The following KAZN variants were observed in gnomAD, a reference collection of about 807,000 sequenced individuals.
KAZN encodes the protein kazrin.
KAZN carries 40 observed loss-of-function variants against 87.4 expected under a neutral mutation model. The observed-to-expected ratio is 0.46, with a 90% CI of 0.36 to 0.60. KAZN has a LOEUF of 0.60. Among genes scored for constraint, KAZN ranks in the 20% least tolerant of loss-of-function variants. The pLI, the probability that KAZN is intolerant of heterozygous loss-of-function variation, is 0.00. For synonymous variants in KAZN, 466 were observed against 458.3 expected, an observed-to-expected ratio of 1.02 and a Z score of -0.22; for missense variants, 898 against 1,073.9, an observed-to-expected ratio of 0.84 and a Z score of 2.29.
intron 1 of KAZN, among the ~76,000 whole-genome samples, chr1:14,863,890 C>G (rs968137085): frequency 2.6e-5 from 4 of 152,112 alleles, no homozygotes; most frequent in African/African-American, 7.2e-5. Flanking sequence ...GCAGTGTGTT[C>G]GGGAGGAGTC....
At chr1:14,459,089 C>T (rs934301937) in intron 2 of KAZN, among the ~76,000 whole-genome samples, 2 of 152,096 alleles carry the variant, frequency 1.3e-5, no homozygotes, top group Non-Finnish European at 2.9e-5. Context: ...CAAGCTTTGG[C>T]CCATTTCCTC....
chr1:13,993,623 A>G (rs1639380982), intron 1 of KAZN, among the ~76,000 whole-genome samples: 4 of 152,248 alleles, frequency 2.6e-5, no homozygotes. Flanking sequence ...GTGGCAGTCA[A>G]AACAGAGAAG....
intron 2 of KAZN, among the ~76,000 whole-genome samples, chr1:14,419,747 T>A (rs749197729): frequency 2.0e-5 from 3 of 151,968 alleles, no homozygotes; most frequent in African/African-American, 7.2e-5. Context: ...TTAGGACTCT[T>A]AAGGCGGTGC....
In KAZN at chr1:15,081,673, TGTGTAA is replaced by T. The variant is rs1640010836; in HGVS notation, c.1223-12505_1223-12500del. Among the ~76,000 whole-genome samples, 1 of 152,102 alleles carries T rather than the reference TGTGTAA, an allele frequency of 6.6e-6. No homozygotes were observed. The highest frequency in any genetic ancestry group is 6.5e-5 in the Admixed American group (1 of 15,274). ...CAGTATTGAAACAGAGCCCTGAGCC[TGTGTAA>T]GCTTCACCAGGCAGAGGAAAGTGAC... On this transcript the variant is annotated intron_variant, in intron 8 of 14. Coordinates refer to ENST00000376030, the MANE Select transcript of KAZN (RefSeq NM_201628.3). The surrounding 1 kb of genome is among the most constrained non-coding windows in gnomAD (Gnocchi z 4.1).
chr1:14,979,413 AAAAT>A (rs954473411), intron 2 of KAZN, among the ~76,000 whole-genome samples: 31 of 151,972 alleles, frequency 2.0e-4, no homozygotes, highest in Admixed American at 3.3e-4. Flanking sequence ...CCTCTCAAAA[AAAAT>A]AAATAAATAA....
intron 1 of KAZN, among the ~76,000 whole-genome samples, chr1:13,914,071 A>G (rs1639752117): frequency 6.6e-6 from 1 of 152,234 alleles, no homozygotes; most frequent in African/African-American, 2.4e-5. Flanking sequence ...CCAATGTGCT[A>G]GGATTTGCAA....
At chr1:14,432,964 G>T (rs1013952684) in intron 2 of KAZN, among the ~76,000 whole-genome samples, 1 of 152,102 alleles carries the variant, frequency 6.6e-6, no homozygotes, top group Non-Finnish European at 1.5e-5. Flanking sequence ...GGCTATGTGT[G>T]TGTGTGTATG....
chr1:14,291,676 C>A (rs1302712266), intron 2 of KAZN, among the ~76,000 whole-genome samples: 1 of 152,128 alleles, frequency 6.6e-6, no homozygotes, highest in Non-Finnish European at 1.5e-5. Context: ...TTCAGCTCAC[C>A]CTCCATGGGC....
chr1:14,335,030 C>T (rs1355227039), intron 2 of KAZN, among the ~76,000 whole-genome samples: 3 of 151,916 alleles, frequency 2.0e-5, no homozygotes, highest in African/African-American at 7.3e-5. Context: ...CATGTTGAAA[C>T]GTGATCCCCA....
chr1:14,815,427 AATGTTCTTG>A (rs1278112785), intron 1 of KAZN, among the ~76,000 whole-genome samples: 1 of 152,160 alleles, frequency 6.6e-6, no homozygotes, highest in Non-Finnish European at 1.5e-5. Context: ...ACCTGTGAAC[AATGTTCTTG>A]ATAATAACGT....
intron 2 of KAZN, among the ~76,000 whole-genome samples, chr1:14,527,377 CG>C (rs1469168678): frequency 2.0e-5 from 3 of 151,972 alleles, no homozygotes; most frequent in African/African-American, 7.2e-5. Flanking sequence ...GGTGAAACCC[CG>C]TCTCTACTAA....
intron 1 of KAZN, among the ~76,000 whole-genome samples, chr1:13,898,945 T>C (rs1008534052): frequency 6.6e-6 from 1 of 152,230 alleles, no homozygotes; most frequent in African/African-American, 2.4e-5. Flanking sequence ...TTATGGCATC[T>C]GTGGTGAGCT....
intron 1 of KAZN, among the ~76,000 whole-genome samples, chr1:14,653,808 T>G (rs1313140249): frequency 6.6e-6 from 1 of 152,230 alleles, no homozygotes; most frequent in Admixed American, 6.5e-5. Context: ...CTAAGGGTTC[T>G]CTAAAATGAA....
At chr1:15,016,468 TACAG>T (rs948756767) in intron 2 of KAZN, among the ~76,000 whole-genome samples, 7 of 152,144 alleles carry the variant, frequency 4.6e-5, no homozygotes, top group African/African-American at 1.4e-4. Flanking sequence ...GTATTTTTAG[TACAG>T]ACAGAGTTTC....
intron 2 of KAZN, among the ~76,000 whole-genome samples, chr1:14,534,939 T>C (rs1330104972): frequency 6.6e-6 from 1 of 152,144 alleles, no homozygotes; most frequent in Non-Finnish European, 1.5e-5. Context: ...TCCACCTCCA[T>C]TTCATACCAG....
Position 14,198,028 on chromosome 1 carries a change from G to GTCAGAGT in KAZN, c.249+17436_249+17437insTCAGAGT, listed in dbSNP as rs1553143226. ...TCAGGGTTGAAAAATCATAGTAACA[G>GTCAGAGT]AGTAGTAGTAGTAGTTGTTGTAGTC... On this transcript the variant is annotated intron_variant, in intron 2 of 16. Coordinates refer to the KAZN transcript ENST00000636203. Among the ~76,000 whole-genome samples, 85 of 151,800 alleles carry GTCAGAGT rather than the reference G, an allele frequency of 5.6e-4. 1 individual carries two copies. Among genetic ancestry groups the GTCAGAGT allele is most frequent in the African/African-American group, 1.5e-3 (63 of 41,376 alleles).
intron 2 of KAZN, among the ~76,000 whole-genome samples, chr1:15,003,768 C>T (rs1177452165): frequency 6.6e-6 from 1 of 152,128 alleles, no homozygotes; most frequent in Non-Finnish European, 1.5e-5. Flanking sequence ...CTCTTACCCC[C>T]ACTCCCTGCA....
At chr1:14,479,675 C>G (rs117471740) in intron 2 of KAZN, among the ~76,000 whole-genome samples, 2,672 of 152,274 alleles carry the variant, frequency 0.018, 42 homozygotes, top group East Asian at 0.035. Context: ...TCCTATTGTA[C>G]TTTTTGCAAT....
intron 1 of KAZN, among the ~76,000 whole-genome samples, chr1:14,150,594 TG>T (rs1645450720): frequency 4.6e-5 from 7 of 152,224 alleles, no homozygotes; most frequent in Admixed American, 4.6e-4. Context: ...TGTATCCATT[TG>T]TATGTTAATT....
Sources: gnomAD v4.1 joint callset for allele counts (sites outside exome capture counted in the v4.1 genomes callset) on GRCh38, gnomAD v4.1.1 for gene constraint, Gnocchi (gnomAD v3.1) non-coding constraint, MANE v1.5 for transcripts, NCBI Gene and HGNC (gene_info 2026-07-23, HGNC 2026-07-21) for gene names.